The following FOXP1 variants were observed in gnomAD, a reference collection of about 807,000 sequenced individuals.
FOXP1 encodes forkhead box P1, also known as forkhead box protein P1.
Under a neutral mutation model 98.2 loss-of-function variants are expected in FOXP1, and 15 were observed. That is an observed-to-expected ratio of 0.15 (90% CI 0.10 to 0.24). The LOEUF (loss-of-function observed/expected upper bound fraction) is 0.24, where lower values mean the gene tolerates loss of function less well. FOXP1 is among the 10% of genes least tolerant of loss of function. The pLI, the probability that FOXP1 is intolerant of heterozygous loss-of-function variation, is 1.00. For missense variants in FOXP1, 633 were observed against 848.5 expected (o/e 0.75, Z 3.15); for synonymous variants, 371 against 314.5 (o/e 1.18, Z -1.90).
intron 2 of FOXP1, among the ~76,000 whole-genome samples, chr3:71,541,025 G>A (rs559852856): frequency 1.3e-5 from 2 of 152,200 alleles, no homozygotes; most frequent in Non-Finnish European, 2.9e-5. Flanking sequence ...AGCCACTGAG[G>A]CAATGCTGGC....
chr3:71,114,850 T>A (rs1324778789), intron 6 of FOXP1, among the ~76,000 whole-genome samples: 3 of 152,104 alleles, frequency 2.0e-5, no homozygotes, highest in Non-Finnish European at 4.4e-5. Flanking sequence ...GGACTCCGGG[T>A]TTCCTTGTCT....
intron 6 of FOXP1, among the ~76,000 whole-genome samples, chr3:71,128,654 A>G (rs1378819815): frequency 1.3e-5 from 2 of 152,148 alleles, no homozygotes; most frequent in African/African-American, 2.4e-5. Context: ...GGTAAGAGTC[A>G]CTGGTTTGTC....
At chr3:70,986,528 G>C (rs1234954704) in intron 14 of FOXP1, among the ~76,000 whole-genome samples, 6 of 152,208 alleles carry the variant, frequency 3.9e-5, no homozygotes, top group Non-Finnish European at 7.3e-5. Flanking sequence ...CTTTCAAAAA[G>C]TTCCAAGGCA....
chr3:71,113,794 C>A, intron 6 of FOXP1, among the ~76,000 whole-genome samples: 1 of 129,648 alleles, frequency 7.7e-6, no homozygotes, highest in East Asian at 2.8e-4. Flanking sequence ...ACAATGTCAT[C>A]AATAAACCGC....
chr3:71,380,629 T>G (rs775841923), intron 3 of FOXP1, among the ~76,000 whole-genome samples: 5 of 152,216 alleles, frequency 3.3e-5, no homozygotes, highest in Admixed American at 6.5e-5. Flanking sequence ...TCTTCAATGT[T>G]TGATATGCAC....
At chr3:71,134,328 A>C (rs2059715124) in intron 6 of FOXP1, among the ~76,000 whole-genome samples, 1 of 152,230 alleles carries the variant, frequency 6.6e-6, no homozygotes, top group South Asian at 2.1e-4. Flanking sequence ...AACAGGGCAC[A>C]AATGTAACCA....
intron 4 of FOXP1, among the ~76,000 whole-genome samples, chr3:71,301,641 T>C (rs2073853928): frequency 6.6e-6 from 1 of 152,204 alleles, no homozygotes; most frequent in East Asian, 1.9e-4. Context: ...AGACCTATAG[T>C]ATTAGACTTT....
At chr3:71,436,637 A>T (rs2085386099) in intron 3 of FOXP1, among the ~76,000 whole-genome samples, 1 of 152,190 alleles carries the variant, frequency 6.6e-6, no homozygotes, top group African/African-American at 2.4e-5. Context: ...TAACAAGAAA[A>T]GAACAAAAAA....
chr3:71,465,627 G>A (rs538184507), intron 3 of FOXP1, among the ~76,000 whole-genome samples: 1 of 152,278 alleles, frequency 6.6e-6, no homozygotes, highest in East Asian at 1.9e-4. Context: ...CAGGGTCCGT[G>A]CTTGGTTTCA....
intron 3 of FOXP1, among the ~76,000 whole-genome samples, chr3:71,463,579 C>T (rs1481738970): frequency 6.6e-6 from 1 of 152,048 alleles, no homozygotes; most frequent in African/African-American, 2.4e-5. Context: ...GGTCTCTCCC[C>T]AGGAGATATG....
At chr3:71,366,139 C>A (rs530411879) in intron 3 of FOXP1, among the ~76,000 whole-genome samples, 1 of 151,368 alleles carries the variant, frequency 6.6e-6, no homozygotes, top group African/African-American at 2.4e-5. Flanking sequence ...ACTTGGTCCA[C>A]TTTTTTTTTC....
rs575694430 is a variant in FOXP1 at position 71,011,297 on chromosome 3, C to A, written c.974+4252G>T. ...ACATCTCCCTCTGTTCTGGAGGCAG[C>A]ATGTAATGCAAGCCAGGGCACATCA... is the stretch of plus-strand genomic sequence containing the variant. On this transcript the variant is annotated intron_variant, in intron 12 of 20. Transcript: ENST00000649528. 2.6e-5 allele frequency among the ~76,000 whole-genome samples: 4 copies of A among 152,248 alleles called. No homozygotes were observed. The South Asian group carries it at 8.3e-4, about 32-fold the overall frequency.
At chr3:71,405,468 G>A (rs765826437) in intron 3 of FOXP1, among the ~76,000 whole-genome samples, 6 of 152,170 alleles carry the variant, frequency 3.9e-5, no homozygotes, top group Non-Finnish European at 7.4e-5. Context: ...GAAGTTCACA[G>A]TATTACCAGT....
intron 7 of FOXP1, among the ~76,000 whole-genome samples, chr3:71,085,735 C>CTTTTTTTTTTTTTTTTTTTTTTTGTTTT (rs56318177): frequency 2.7e-5 from 1 of 37,038 alleles, no homozygotes; most frequent in Non-Finnish European, 4.7e-5. Context: ...CATTTATGGC[C>CTTTTTTTTTTTTTTTTTTTTTTTGTTTT]TTTTTTTTTT....
chr3:71,170,822 C>A (rs2061614310), intron 6 of FOXP1, among the ~76,000 whole-genome samples: 1 of 152,148 alleles, frequency 6.6e-6, no homozygotes, highest in South Asian at 2.1e-4. Flanking sequence ...ATTCAGCGTC[C>A]ATCTACAACT....
intron 2 of FOXP1, among the ~76,000 whole-genome samples, chr3:71,498,077 C>A (rs530132968): frequency 6.6e-6 from 1 of 152,124 alleles, no homozygotes; most frequent in Non-Finnish European, 1.5e-5. Flanking sequence ...TCCTTTCCAA[C>A]GCTTTCCAAG....
Position 70,960,741 on chromosome 3 carries a change from G to A in FOXP1, c.1890-1350C>T, listed in dbSNP as rs540346515. On this transcript the variant is annotated intron_variant, in intron 20 of 20. Coordinates refer to ENST00000649528, the MANE Select transcript of FOXP1 (RefSeq NM_001349338.3). ...TAAAAACAAACAGAGGAGTGCTTTG[G>A]ACTGCCCTTGAAGACAGGAACCTTC... is the stretch of plus-strand genomic sequence containing the variant. Among the ~76,000 whole-genome samples the A allele has an allele frequency of 3.2e-4, 48 of 152,204 alleles. 1 individual carries two copies. The highest frequency in any genetic ancestry group is 1.1e-3 in the African/African-American group (44 of 41,522).
chr3:71,037,396 C>T (rs1032113729), intron 11 of FOXP1, among the ~76,000 whole-genome samples: 1 of 152,114 alleles, frequency 6.6e-6, no homozygotes, highest in African/African-American at 2.4e-5. Context: ...TTTACCCACA[C>T]CAAAACCTGG....
chr3:71,290,327 A>G (rs1420916015), intron 5 of FOXP1, among the ~76,000 whole-genome samples: 2 of 152,196 alleles, frequency 1.3e-5, no homozygotes, highest in Non-Finnish European at 2.9e-5. Context: ...CAAGACAAAA[A>G]TCTTAAGAGT....
Sources: gnomAD v4.1 joint callset for allele counts (sites outside exome capture counted in the v4.1 genomes callset) on GRCh38, gnomAD v4.1.1 for gene constraint, MANE v1.5 for transcripts, NCBI Gene and HGNC (gene_info 2026-07-23, HGNC 2026-07-21) for gene names.